The following LRP1B variants were observed in gnomAD, a reference collection of about 807,000 sequenced individuals.
LRP1B encodes low-density lipoprotein receptor-related protein 1B.
In LRP1B, 217 loss-of-function variants were observed where a neutral mutation model predicts 556.6. That is an observed-to-expected ratio of 0.39 (90% CI 0.35 to 0.44). The LOEUF is 0.44. Ranked by LOEUF, LRP1B falls within the 20% of genes least tolerant of loss-of-function variation. The pLI, the probability that LRP1B is intolerant of heterozygous loss-of-function variation, is 1.00. For missense variants in LRP1B, 5,053 were observed against 5,620.8 expected (o/e 0.90, Z 3.23); for synonymous variants, 2,047 against 1,865.8 (o/e 1.10, Z -2.50).
At chr2:140,356,299 AC>A in intron 75 of LRP1B, 42 bp downstream of exon 75, 1 of 1,599,430 alleles carries the variant, frequency 6.3e-7, no homozygotes, top group Admixed American at 1.7e-5. Context: ...AATCTTCATA[AC>A]CCAAAGATTT....
chr2:140,561,915 G>A (rs2105079808), intron 43 of LRP1B, among the ~76,000 whole-genome samples: 1 of 151,834 alleles, frequency 6.6e-6, no homozygotes, highest in South Asian at 2.1e-4. Flanking sequence ...GTTTATCTCA[G>A]GAATGCTTTA....
At chr2:141,128,136 C>T (rs561717725) in intron 7 of LRP1B, among the ~76,000 whole-genome samples, 1 of 152,174 alleles carries the variant, frequency 6.6e-6, no homozygotes, top group East Asian at 1.9e-4. Flanking sequence ...CCATGAGCCA[C>T]AATGCCTGGC....
At chr2:142,041,282 C>A (rs987632014) in intron 1 of LRP1B, among the ~76,000 whole-genome samples, 1 of 151,258 alleles carries the variant, frequency 6.6e-6, no homozygotes, top group Non-Finnish European at 1.5e-5. Flanking sequence ...ACAAAAGCTT[C>A]AAGGAGCACA....
At chr2:140,807,046 G>A (rs910386012) in intron 32 of LRP1B, among the ~76,000 whole-genome samples, 2 of 152,142 alleles carry the variant, frequency 1.3e-5, no homozygotes, top group African/African-American at 4.8e-5. Flanking sequence ...TTAGTCAATA[G>A]TTTTAAAGTC....
At chr2:140,601,303 T>C (rs1003593027) in intron 42 of LRP1B, 147 bp downstream of exon 42, 16 of 664,130 alleles carry the variant, frequency 2.4e-5, no homozygotes, top group African/African-American at 2.1e-4. Context: ...ATAATGCTCT[T>C]ACATAAAAAA....
chr2:140,239,075 A>G (rs1417680228), intron 88 of LRP1B, among the ~76,000 whole-genome samples: 1 of 150,914 alleles, frequency 6.6e-6, no homozygotes. Flanking sequence ...GTATATATGC[A>G]TATCAGTATC....
chr2:141,818,983 G>A (rs1242104354), intron 1 of LRP1B, among the ~76,000 whole-genome samples: 2 of 151,672 alleles, frequency 1.3e-5, no homozygotes, highest in East Asian at 4.0e-4. Flanking sequence ...GCTCACGCCT[G>A]TAATCCCAGC....
intron 1 of LRP1B, among the ~76,000 whole-genome samples, chr2:142,056,220 A>G (rs1300661386): frequency 2.0e-5 from 3 of 152,240 alleles, no homozygotes; most frequent in Non-Finnish European, 2.9e-5. Context: ...CTCCAACAAG[A>G]AAACATCATT....
chr2:142,125,320 A>G (rs971960889), intron 1 of LRP1B, among the ~76,000 whole-genome samples: 1 of 151,758 alleles, frequency 6.6e-6, no homozygotes, highest in Non-Finnish European at 1.5e-5. Context: ...TCCTTTCTCT[A>G]AAATAGAGGG....
chr2:140,500,765 T>G (rs769926441), intron 55 of LRP1B, among the ~76,000 whole-genome samples: 1 of 151,904 alleles, frequency 6.6e-6, no homozygotes, highest in Non-Finnish European at 1.5e-5. Context: ...TTGGATACAC[T>G]CCAATTCGTC....
intron 6 of LRP1B, among the ~76,000 whole-genome samples, chr2:141,196,999 T>C (rs768829614): frequency 1.2e-4 from 19 of 152,130 alleles, no homozygotes; most frequent in Non-Finnish European, 2.4e-4. Flanking sequence ...AAATGGGAGT[T>C]CCCCTGCACA....
intron 1 of LRP1B, among the ~76,000 whole-genome samples, chr2:142,030,943 T>A (rs781005245): frequency 6.6e-6 from 1 of 151,942 alleles, no homozygotes; most frequent in African/African-American, 2.4e-5. Context: ...CCTATTTTTA[T>A]CTCAGCTGAT....
chr2:141,687,352 G>A (rs1691350624), intron 2 of LRP1B, among the ~76,000 whole-genome samples: 1 of 151,850 alleles, frequency 6.6e-6, no homozygotes, highest in Non-Finnish European at 1.5e-5. Flanking sequence ...TTTATAACAA[G>A]TTTGTGAGAC....
At chr2:141,954,710 T>A (rs1005274445) in intron 1 of LRP1B, among the ~76,000 whole-genome samples, 1 of 152,118 alleles carries the variant, frequency 6.6e-6, no homozygotes, top group East Asian at 1.9e-4. Flanking sequence ...TATCTTCAGG[T>A]CTTTCTTCCC....
At chr2:141,071,860 C>CAA (rs1233013374) in intron 7 of LRP1B, among the ~76,000 whole-genome samples, 1 of 152,110 alleles carries the variant, frequency 6.6e-6, no homozygotes, top group African/African-American at 2.4e-5. Flanking sequence ...AAAGAGTATA[C>CAA]AAACAAATGG....
chr2:141,635,613 G>A (rs1191995337), intron 2 of LRP1B, among the ~76,000 whole-genome samples: 1 of 152,136 alleles, frequency 6.6e-6, no homozygotes, highest in Non-Finnish European at 1.5e-5. Context: ...TGGAACACAA[G>A]TGATTTGACA....
chr2:140,838,368 G>A (rs1291386908), intron 31 of LRP1B, among the ~76,000 whole-genome samples: 1 of 152,054 alleles, frequency 6.6e-6, no homozygotes, highest in East Asian at 1.9e-4. Flanking sequence ...AGAAGTATTA[G>A]CGTTTCAATT....
chr2:140,567,207 T>C (rs1394718949), intron 43 of LRP1B, among the ~76,000 whole-genome samples: 1 of 152,084 alleles, frequency 6.6e-6, no homozygotes, highest in Non-Finnish European at 1.5e-5. Flanking sequence ...ACAATTATTA[T>C]TGAGCTGCCC....
At chr2:141,324,008 C>CACACAT (rs1553495612) in intron 3 of LRP1B, among the ~76,000 whole-genome samples, 1 of 139,954 alleles carries the variant, frequency 7.1e-6, no homozygotes, top group African/African-American at 2.7e-5. Flanking sequence ...CACACACACA[C>CACACAT]ACACACCTGA....
Sources: gnomAD v4.1 joint callset for allele counts (sites outside exome capture counted in the v4.1 genomes callset) on GRCh38, gnomAD v4.1.1 for gene constraint, MANE v1.5 for transcripts, NCBI Gene and HGNC (gene_info 2026-07-23, HGNC 2026-07-21) for gene names.